SGPP2: variants seen among roughly 807,000 people sequenced by gnomAD.
SGPP2 encodes the protein sphingosine 1-phosphate phosphohydrolase 2.
A neutral mutation model predicts 33.9 loss-of-function variants in SGPP2; 30 were observed. That is an observed-to-expected ratio of 0.89 (90% CI 0.66 to 1.20). The LOEUF (loss-of-function observed/expected upper bound fraction) is 1.20, where lower values mean the gene tolerates loss of function less well. Among genes scored for constraint, SGPP2 ranks in the 50% most tolerant of loss-of-function variants. SGPP2 has a pLI of 0.00. For synonymous variants in SGPP2, 233 were observed against 225.0 expected (o/e 1.04, Z -0.32); for missense variants, 458 against 532.1 (o/e 0.86, Z 1.37).
intron 1 of SGPP2, among the ~76,000 whole-genome samples, chr2:222,473,291 A>G (rs998798080): frequency 3.3e-5 from 5 of 152,122 alleles, no homozygotes; most frequent in Non-Finnish European, 7.3e-5. Context: ...GGCTGGAGGG[A>G]AGAATCTGAC....
chr2:222,480,094 A>T (rs1422255818), intron 2 of SGPP2, among the ~76,000 whole-genome samples: 1 of 152,206 alleles, frequency 6.6e-6, no homozygotes, highest in East Asian at 1.9e-4. Context: ...CCATGGCATG[A>T]TTATCTAATC....
intron 2 of SGPP2, among the ~76,000 whole-genome samples, chr2:222,485,383 G>C (rs922488743): frequency 6.6e-6 from 1 of 152,178 alleles, no homozygotes; most frequent in Non-Finnish European, 1.5e-5. Flanking sequence ...GCATTTGACA[G>C]ACTGAGTGTC....
At chr2:222,453,744 A>G (rs1302722766) in intron 1 of SGPP2, among the ~76,000 whole-genome samples, 1 of 152,226 alleles carries the variant, frequency 6.6e-6, no homozygotes, top group African/African-American at 2.4e-5. Context: ...TGTTTATGTT[A>G]TAAGTAAGGC....
At position 222,532,010 on chromosome 2, in the gene SGPP2, T is replaced by C. The variant is rs540930944; in HGVS notation, c.648+6977T>C. 8.5e-5 allele frequency among the ~76,000 whole-genome samples: 13 copies of C among 152,242 alleles called. 1 individual carries two copies. The East Asian group carries it at 2.3e-3, about 27-fold the overall frequency. Reference sequence around the variant, plus strand: ...TCTCTAGGCTAGGCACGGTGGCTCATGACTGTAATCTCAGCACTTTGGGAG... The same window carrying C: ...TCTCTAGGCTAGGCACGGTGGCTCACGACTGTAATCTCAGCACTTTGGGAG... On this transcript the variant is annotated intron_variant, in intron 4 of 4. Transcript: ENST00000321276.
chr2:222,430,689 G>A (rs1038986221), intron 1 of SGPP2, among the ~76,000 whole-genome samples: 2 of 152,046 alleles, frequency 1.3e-5, no homozygotes, highest in Non-Finnish European at 2.9e-5. Flanking sequence ...AAGAGAAGGG[G>A]GAAAAAAGTA....
chr2:222,439,398 G>A (rs1315965002), intron 1 of SGPP2, among the ~76,000 whole-genome samples: 6 of 152,026 alleles, frequency 3.9e-5, no homozygotes, highest in Admixed American at 1.3e-4. Context: ...CAAATGTGGC[G>A]GCATGCACCT....
chr2:222,499,259 G>C (rs1476315343), intron 2 of SGPP2, among the ~76,000 whole-genome samples: 1 of 152,188 alleles, frequency 6.6e-6, no homozygotes, highest in Admixed American at 6.5e-5. Context: ...AGGGTCATGG[G>C]GAGGTTATGT....
chr2:222,523,898 C>A (rs915488771), intron 3 of SGPP2, among the ~76,000 whole-genome samples: 4 of 152,062 alleles, frequency 2.6e-5, no homozygotes, highest in African/African-American at 9.7e-5. Flanking sequence ...TAATGATAAA[C>A]CTTAAGAACA....
At chr2:222,540,417 C>A (rs901978340) in intron 4 of SGPP2, among the ~76,000 whole-genome samples, 1 of 152,124 alleles carries the variant, frequency 6.6e-6, no homozygotes, top group Non-Finnish European at 1.5e-5. Context: ...GGATGCTGAA[C>A]CTGTACTGCA....
chr2:222,518,330 A>G (rs575235085), intron 2 of SGPP2, among the ~76,000 whole-genome samples: 1 of 152,346 alleles, frequency 6.6e-6, no homozygotes, highest in African/African-American at 2.4e-5. Flanking sequence ...AACCTCAAAG[A>G]AATTTAACTT....
chr2:222,484,544 G>A (rs547741942), intron 2 of SGPP2, among the ~76,000 whole-genome samples: 1 of 152,326 alleles, frequency 6.6e-6, no homozygotes, highest in South Asian at 2.1e-4. Flanking sequence ...TTCATACAGA[G>A]TTTTATTGTG....
In SGPP2 at chr2:222,511,241, T is replaced by C. The variant is rs563056523; in HGVS notation, c.379-10526T>C. On this transcript the variant is annotated intron_variant, in intron 2 of 4. Coordinates refer to ENST00000321276, the MANE Select transcript of SGPP2 (RefSeq NM_152386.4). ...AAGGACAAGTTTCATATTGACCGCA[T>C]TGGTTCCCTGGAAAACCTTTTGTCT... 5.9e-5 allele frequency among the ~76,000 whole-genome samples: 9 copies of C among 152,322 alleles called. No homozygotes were observed. The South Asian group carries it at 1.2e-3, about 21-fold the overall frequency.
At chr2:222,548,810 T>G (rs1349594823) in intron 4 of SGPP2, among the ~76,000 whole-genome samples, 3 of 152,270 alleles carry the variant, frequency 2.0e-5, no homozygotes, top group Admixed American at 1.3e-4. Flanking sequence ...ATGAATAATG[T>G]TGCCTCCTCC....
chr2:222,479,242 A>G (rs1270558204), intron 2 of SGPP2, among the ~76,000 whole-genome samples: 1 of 152,156 alleles, frequency 6.6e-6, no homozygotes, highest in Non-Finnish European at 1.5e-5. Context: ...TAAGGAGCAC[A>G]ATATTTTTTA....
intron 4 of SGPP2, among the ~76,000 whole-genome samples, chr2:222,525,620 T>C (rs879509282): frequency 1.3e-5 from 2 of 152,220 alleles, no homozygotes; most frequent in Non-Finnish European, 2.9e-5. Context: ...CAGTTAAAAT[T>C]CCTTGAGAAT....
At chr2:222,487,921 C>T (rs556826695) in intron 2 of SGPP2, among the ~76,000 whole-genome samples, 1 of 152,254 alleles carries the variant, frequency 6.6e-6, no homozygotes, top group Admixed American at 6.5e-5. Context: ...GCCTCAATCC[C>T]CTCTACAACC....
intron 1 of SGPP2, among the ~76,000 whole-genome samples, chr2:222,474,180 C>G (rs1016411434): frequency 6.6e-6 from 1 of 152,102 alleles, no homozygotes; most frequent in Non-Finnish European, 1.5e-5. Context: ...ATATTCAGTT[C>G]TAGGATTTAG....
intron 2 of SGPP2, among the ~76,000 whole-genome samples, chr2:222,499,177 C>T (rs1698328360): frequency 6.6e-6 from 1 of 152,246 alleles, no homozygotes; most frequent in South Asian, 2.1e-4. Flanking sequence ...GGACATTACA[C>T]AGAGTAGGGA....
chr2:222,451,742 G>A (rs1408180885), intron 1 of SGPP2, among the ~76,000 whole-genome samples: 1 of 152,176 alleles, frequency 6.6e-6, no homozygotes, highest in Non-Finnish European at 1.5e-5. Flanking sequence ...GGAAGAGAAG[G>A]GAAAAGATCT....
Sources: allele counts gnomAD v4.1 joint callset (sites outside exome capture counted in the v4.1 genomes callset), GRCh38; gene constraint gnomAD v4.1.1; transcripts MANE v1.5; gene names NCBI Gene and HGNC (gene_info 2026-07-23, HGNC 2026-07-21).